Variants in ARSB observed in about 807,000 individuals in gnomAD.
The protein encoded by ARSB is N-acetylgalactosamine-4-sulfatase.
In ARSB, 41 loss-of-function variants were observed where a neutral mutation model predicts 50.9. The ratio of observed to expected loss-of-function variants is 0.81; its 90% CI spans 0.63 to 1.04. The LOEUF (loss-of-function observed/expected upper bound fraction) is 1.04, where lower values mean the gene tolerates loss of function less well. ARSB is among the 50% of genes least tolerant of loss of function. The probability of loss-of-function intolerance (pLI) is 0.00; values close to 1 mark genes in which losing one functional copy is unlikely to be tolerated. For missense variants in ARSB, 672 were observed against 693.3 expected, an observed-to-expected ratio of 0.97 and a Z score of 0.35; for synonymous variants, 269 against 284.8, an observed-to-expected ratio of 0.94 and a Z score of 0.56.
Position 78,780,485 on chromosome 5 carries a change from T to C in ARSB, c.1514A>G (p.Tyr505Cys), listed in dbSNP as rs369249293. The change falls in exon 8 of 8, where the codon TAC becomes TGC. Residue 505 changes from tyrosine (Y) to cysteine (C), a missense_variant. Coordinates refer to ENST00000264914, the MANE Select transcript of ARSB (RefSeq NM_000046.5). ...GTACACGGGGACTGAGTGTTTATGGTAGAACTGTAGGCGGGACAGGAGCTT... is the reference window on the plus strand; with the variant it reads ...GTACACGGGGACTGAGTGTTTATGGCAGAACTGTAGGCGGGACAGGAGCTT... ...VTKLLSRLQF[Y>C]HKHSVPVYFP... 11 of 1,614,094 alleles carry C rather than the reference T, an allele frequency of 6.8e-6. No individual in the cohort carries two copies. The highest frequency in any genetic ancestry group is 9.3e-6 in the Non-Finnish European group (11 of 1,180,008).
intron 6 of ARSB, among the ~76,000 whole-genome samples, chr5:78,809,656 A>G (rs1288940298): frequency 2.0e-5 from 3 of 152,260 alleles, no homozygotes; most frequent in African/African-American, 7.2e-5. Flanking sequence ...GCCAGGCCTA[A>G]CACTAGGCAG....
chr5:78,928,556 T>C (rs1322191333), intron 4 of ARSB, among the ~76,000 whole-genome samples: 1 of 152,130 alleles, frequency 6.6e-6, no homozygotes, highest in Non-Finnish European at 1.5e-5. Flanking sequence ...CTTCAGGTGA[T>C]CCGCCCACCT....
Position 78,895,170 on chromosome 5 carries a change from C to T in ARSB, c.899-9343G>A, listed in dbSNP as rs1341810703. Among the ~76,000 whole-genome samples the T allele has an allele frequency of 5.3e-5, 8 of 152,182 alleles. No individual in the cohort carries two copies. The East Asian group carries it at 1.2e-3, about 22-fold the overall frequency. On this transcript the variant is annotated intron_variant, in intron 4 of 7. Coordinates refer to ENST00000264914, the MANE Select transcript of ARSB (RefSeq NM_000046.5). ...TCAGACGCAATTCTAGCAATATGTG[C>T]GGTGTCTGGTGTCCTAATTTTATAG...
intron 5 of ARSB, among the ~76,000 whole-genome samples, chr5:78,850,316 T>A (rs1439902052): frequency 2.0e-5 from 3 of 152,384 alleles, no homozygotes; most frequent in Non-Finnish European, 2.9e-5. Context: ...ATTGAGATAA[T>A]CATGTGGTTT....
intron 5 of ARSB, among the ~76,000 whole-genome samples, chr5:78,877,048 G>C (rs1427501399): frequency 6.6e-6 from 1 of 152,188 alleles, no homozygotes; most frequent in Non-Finnish European, 1.5e-5. Flanking sequence ...CCTGGTGCCA[G>C]AGAGTTTGGG....
intron 6 of ARSB, among the ~76,000 whole-genome samples, chr5:78,800,717 G>A (rs1026210815): frequency 5.3e-5 from 8 of 152,130 alleles, no homozygotes; most frequent in Non-Finnish European, 1.0e-4. Context: ...GTCAATAAAA[G>A]GCAATACATG....
At chr5:78,871,008 C>G (rs371512834) in intron 5 of ARSB, among the ~76,000 whole-genome samples, 2 of 150,154 alleles carry the variant, frequency 1.3e-5, no homozygotes, top group African/African-American at 4.9e-5. Context: ...ACAAGCATTC[C>G]TATACACCAA....
chr5:78,916,454 A>T (rs1749547888), intron 4 of ARSB, among the ~76,000 whole-genome samples: 2 of 152,222 alleles, frequency 1.3e-5, no homozygotes. Context: ...GTCTTCCGGG[A>T]AAATGCACGT....
intron 5 of ARSB, 155 bp downstream of exon 5, chr5:78,885,429 C>A: frequency 9.5e-7 from 1 of 1,048,690 alleles, no homozygotes; most frequent in Non-Finnish European, 1.3e-6. Flanking sequence ...AATATATATA[C>A]TTACAATGTC....
At chr5:78,863,537 C>T (rs1217627150) in intron 5 of ARSB, among the ~76,000 whole-genome samples, 1 of 136,154 alleles carries the variant, frequency 7.3e-6, no homozygotes, top group Non-Finnish European at 1.5e-5. Flanking sequence ...TGTTCTCACT[C>T]ATAGGTGGGA....
At chr5:78,960,247 T>C (rs1751922255) in intron 3 of ARSB, among the ~76,000 whole-genome samples, 1 of 152,240 alleles carries the variant, frequency 6.6e-6, no homozygotes, top group South Asian at 2.1e-4. Flanking sequence ...CCTTTATTTA[T>C]GCTACATGGT....
At chr5:78,786,962 G>T (rs1288131691) in intron 6 of ARSB, among the ~76,000 whole-genome samples, 3 of 152,086 alleles carry the variant, frequency 2.0e-5, no homozygotes, top group African/African-American at 7.2e-5. Flanking sequence ...ATTTGTCTGA[G>T]AGAGTATTTT....
chr5:78,933,783 G>A (rs954456679), intron 4 of ARSB, among the ~76,000 whole-genome samples: 31 of 152,186 alleles, frequency 2.0e-4, no homozygotes, highest in Admixed American at 1.4e-3. Context: ...ACATGGCAAC[G>A]GGGAGTTAAA....
At chr5:78,859,036 G>C (rs1005116045) in intron 5 of ARSB, among the ~76,000 whole-genome samples, 6 of 152,160 alleles carry the variant, frequency 3.9e-5, no homozygotes, top group Non-Finnish European at 8.8e-5. Flanking sequence ...TAATCAAAAA[G>C]TACCGATTTT....
At chr5:78,834,607 G>GTATATATATATATATA (rs58773415) in intron 6 of ARSB, among the ~76,000 whole-genome samples, 5 of 85,644 alleles carry the variant, frequency 5.8e-5, no homozygotes, top group South Asian at 4.8e-4. Flanking sequence ...ATATATATGT[G>GTATATATATATATATA]TATATATATA....
Position 78,885,677 on chromosome 5 carries a change from A to G in ARSB, c.1049T>C (p.Ile350Thr). 1 of 1,614,074 alleles carries G rather than the reference A, an allele frequency of 6.2e-7. No individual in the cohort carries two copies. Among genetic ancestry groups the G allele is most frequent in the South Asian group, 1.1e-5 (1 of 91,080 alleles). The change falls in exon 5 of 8, where the codon ATC becomes ACC. Residue 350 changes from isoleucine to threonine, a missense_variant. Coordinates refer to ENST00000264914, the MANE Select transcript of ARSB (RefSeq NM_000046.5). ...CACGAGTGTTGGCAGCCAGTCAGAGATGTGGATGAGCTCCCGGTTCTTCAC... is the reference window on the plus strand; with the variant it reads ...CACGAGTGTTGGCAGCCAGTCAGAGGTGTGGATGAGCTCCCGGTTCTTCAC... ...KGVKNRELIH[I>T]SDWLPTLVKL...
chr5:78,934,444 T>C (rs941555307), intron 4 of ARSB, among the ~76,000 whole-genome samples: 1 of 152,156 alleles, frequency 6.6e-6, no homozygotes, highest in Non-Finnish European at 1.5e-5. Context: ...TATTTTGTTA[T>C]AAATATGATT....
chr5:78,943,653 A>C (rs758983949), intron 4 of ARSB, among the ~76,000 whole-genome samples: 42 of 152,204 alleles, frequency 2.8e-4, no homozygotes, highest in Non-Finnish European at 5.6e-4. Context: ...ACCGACTGTT[A>C]GTCTGATGGG....
At chr5:78,980,463 T>A (rs553005647) in intron 1 of ARSB, among the ~76,000 whole-genome samples, 1 of 152,226 alleles carries the variant, frequency 6.6e-6, no homozygotes, top group Non-Finnish European at 1.5e-5. Flanking sequence ...TACATGTTCA[T>A]CAGTATGCAA....
Sources: gnomAD v4.1 joint callset for allele counts (sites outside exome capture counted in the v4.1 genomes callset) on GRCh38, gnomAD v4.1.1 for gene constraint, MANE v1.5 for transcripts, NCBI Gene and HGNC (gene_info 2026-07-23, HGNC 2026-07-21) for gene names.